Variants in BOK observed in about 807,000 individuals in gnomAD.
The protein encoded by BOK is bcl-2-related ovarian killer protein.
Under a neutral mutation model 18.3 loss-of-function variants are expected in BOK, and 20 were observed. The ratio of observed to expected loss-of-function variants is 1.09; its 90% CI spans 0.77 to 1.59. BOK has a LOEUF of 1.59. Ranked by LOEUF, BOK falls within the 40% of genes most tolerant of loss-of-function variation. The pLI, the probability that BOK is intolerant of heterozygous loss-of-function variation, is 0.00. For synonymous variants in BOK, 173 were observed against 142.4 expected (o/e 1.21, Z -1.53); for missense variants, 348 against 307.9 (o/e 1.13, Z -0.97).
chr2:241,564,500 C>A (rs1041272347), intron 3 of BOK, among the ~76,000 whole-genome samples: 1 of 150,254 alleles, frequency 6.7e-6, no homozygotes. Flanking sequence ...TGTCATGGGG[C>A]AGACCTGAGT....
At position 241,573,368 on chromosome 2, in the gene BOK, A is replaced by ACCC. The variant is rs1161593306; in HGVS notation, c.*947_*949dup. ...GGGCCCGGGAACACCTCTCACCTGA[A>ACCC]CCCGGGGGTCCCATCCCAGGAAGAA... On this transcript the variant is annotated 3_prime_UTR_variant, in exon 5 of 5. Transcript: ENST00000318407. 6.6e-6 allele frequency: 1 copy of ACCC among 152,092 alleles called. No individual in the cohort carries two copies. Among genetic ancestry groups the ACCC allele is most frequent in the Admixed American group, 6.5e-5 (1 of 15,270 alleles). 9.4% of individuals were successfully genotyped at this position (152,092 alleles called of 1,614,324 possible). A position where few individuals can be genotyped will look rare whatever the true frequency, so the allele number is the denominator to read the frequency against.
At chr2:241,559,221 A>C (rs1409790052) in intron 1 of BOK, among the ~76,000 whole-genome samples, 2 of 151,552 alleles carry the variant, frequency 1.3e-5, no homozygotes, top group African/African-American at 2.4e-5. Context: ...CCCGGAGCAA[A>C]CCGCCGTCTC....
intron 3 of BOK, among the ~76,000 whole-genome samples, chr2:241,565,043 A>T (rs1196645932): frequency 4.6e-5 from 7 of 152,086 alleles, no homozygotes; most frequent in Non-Finnish European, 1.0e-4. Context: ...GGCTGAGGGG[A>T]AGGGGATGGC....
upstream of BOK, among the ~76,000 whole-genome samples, chr2:241,558,318 C>T (rs558001230): frequency 2.0e-5 from 3 of 152,180 alleles, no homozygotes; most frequent in South Asian, 6.2e-4. Flanking sequence ...AGGTACTAAC[C>T]ATAAAGAAAA....
At position 241,562,433 on chromosome 2, in the gene BOK, G is replaced by A. The variant is rs2066543720; in HGVS notation, c.306G>A (p.Val102=). 1.2e-6 allele frequency: 2 copies of A among 1,612,318 alleles called. No individual in the cohort carries two copies. Among genetic ancestry groups the A allele is most frequent in the Non-Finnish European group, 1.7e-6 (2 of 1,179,862 alleles). ...TCTCCCTGCAGTCTGAGCCTGTGGT[G>A]ACCGATGCGTTCCTGGCCGTGGCTG... is the stretch of plus-strand genomic sequence containing the variant. The part of the protein sequence containing the change: ...LHISLQSEPV[V]TDAFLAVAGH... Residue 102 remains valine (V), a synonymous_variant, in exon 3 of 5, where the codon GTG becomes GTA. Coordinates refer to ENST00000318407, the MANE Select transcript of BOK (RefSeq NM_032515.5). The surrounding 1 kb of genome is among the most constrained non-coding windows in gnomAD (Gnocchi z 4.5).
At chr2:241,565,525 C>T (rs1026279054) in intron 3 of BOK, among the ~76,000 whole-genome samples, 4 of 152,094 alleles carry the variant, frequency 2.6e-5, no homozygotes, top group African/African-American at 9.7e-5. Flanking sequence ...TCCTTGCCTC[C>T]CTGCCTGAGG....
chr2:241,571,035 G>C (rs1363582654), intron 4 of BOK, among the ~76,000 whole-genome samples: 1 of 148,950 alleles, frequency 6.7e-6, no homozygotes, highest in South Asian at 2.1e-4. Context: ...GCAGAGGTAC[G>C]GGAGGGAGTG....
chr2:241,552,820 T>C (rs2066423812), intron 1 of BOK, among the ~76,000 whole-genome samples: 1 of 152,188 alleles, frequency 6.6e-6, no homozygotes, highest in Non-Finnish European at 1.5e-5. Flanking sequence ...CATGGCTCCG[T>C]GGGCCTTTGT....
At chr2:241,555,604 T>G (rs2066445521), upstream of BOK, among the ~76,000 whole-genome samples, 1 of 152,180 alleles carries the variant, frequency 6.6e-6, no homozygotes, top group South Asian at 2.1e-4. Flanking sequence ...CTCGAACTCC[T>G]AACCTCAGGT....
chr2:241,570,598 GTGTC>G (rs747256356), intron 4 of BOK, among the ~76,000 whole-genome samples: 1 of 1,002 alleles, frequency 1.0e-3, no homozygotes. Flanking sequence ...GGATGGGTGA[GTGTC>G]TGAGCGCCTG....
chr2:241,565,407 A>T (rs946500393), intron 3 of BOK, among the ~76,000 whole-genome samples: 2 of 149,636 alleles, frequency 1.3e-5, no homozygotes, highest in African/African-American at 5.0e-5. Flanking sequence ...TCTGCCCCTC[A>T]GGCCCACTGG....
intron 4 of BOK, among the ~76,000 whole-genome samples, chr2:241,571,341 G>C (rs1010655024): frequency 6.6e-6 from 1 of 152,184 alleles, no homozygotes; most frequent in African/African-American, 2.4e-5. Flanking sequence ...TGGGTGTGGA[G>C]GGTGGCTCCC....
intron 3 of BOK, among the ~76,000 whole-genome samples, chr2:241,568,400 G>T (rs756541445): frequency 1.3e-5 from 2 of 152,060 alleles, no homozygotes; most frequent in Admixed American, 1.3e-4. Flanking sequence ...GATTACAGGC[G>T]TGAGCCACCG....
chr2:241,559,651 C>A lies in BOK; in HGVS notation c.168C>A (p.Ala56=). ...TCTCCTGGAGCGCGCCCGAGCGTGC[C>A]GCGCCGGTCCCGGGACGCCTGGCTG... is the stretch of plus-strand genomic sequence containing the variant. The part of the protein sequence containing the change: ...AGLSWSAPER[A]APVPGRLAEV... Residue 56 remains alanine, a synonymous_variant, in exon 2 of 5, where the codon GCC becomes GCA. Transcript: ENST00000318407. The A allele has an allele frequency of 2.2e-6, 3 of 1,392,126 alleles. No individual in the cohort carries two copies. The highest frequency in any genetic ancestry group is 1.6e-5 in the South Asian group (1 of 61,866). The allele number at this position is 1,392,126 out of a possible 1,614,324, so 86.2% of individuals were successfully genotyped here. A position where few individuals can be genotyped will look rare whatever the true frequency, so the allele number is the denominator to read the frequency against.
chr2:241,556,409 C>T (rs2066450437), upstream of BOK, among the ~76,000 whole-genome samples: 1 of 151,994 alleles, frequency 6.6e-6, no homozygotes, highest in African/African-American at 2.4e-5. Flanking sequence ...ATGGTGAAAC[C>T]CCCTCTCTAC....
At chr2:241,561,486 G>T (rs111498387) in intron 2 of BOK, among the ~76,000 whole-genome samples, 2 of 48,566 alleles carry the variant, frequency 4.1e-5, no homozygotes, top group Admixed American at 2.2e-4. Context: ...CCCAGGACAG[G>T]GGCCCAGCCA....
chr2:241,568,252 C>T (rs2066647022), intron 3 of BOK, among the ~76,000 whole-genome samples: 1 of 152,200 alleles, frequency 6.6e-6, no homozygotes, highest in African/African-American at 2.4e-5. Flanking sequence ...TCCCGAGTAG[C>T]TGGGACTACA....
At chr2:241,558,406 T>G (rs116313810), upstream of BOK, among the ~76,000 whole-genome samples, 1,318 of 152,300 alleles carry the variant, frequency 8.7e-3, 17 homozygotes, top group Non-Finnish European at 0.011. Context: ...GAGGAAGATA[T>G]TTGCAATAAC....
chr2:241,566,581 C>T (rs1024861625), intron 3 of BOK, among the ~76,000 whole-genome samples: 6 of 152,078 alleles, frequency 3.9e-5, no homozygotes, highest in Non-Finnish European at 7.4e-5. Flanking sequence ...TCCCACAGTG[C>T]TGGGAAAAAA....
Sources: gnomAD v4.1 joint callset for allele counts (sites outside exome capture counted in the v4.1 genomes callset) on GRCh38, gnomAD v4.1.1 for gene constraint, Gnocchi (gnomAD v3.1) non-coding constraint, MANE v1.5 for transcripts, NCBI Gene and HGNC (gene_info 2026-07-23, HGNC 2026-07-21) for gene names.